GSDME: variants seen among roughly 807,000 people sequenced by gnomAD.
GSDME encodes the protein gasdermin E.
Under a neutral mutation model 47.5 loss-of-function variants are expected in GSDME, and 44 were observed. The ratio of observed to expected loss-of-function variants is 0.93; its 90% confidence interval spans 0.73 to 1.19. The LOEUF is 1.19. Ranked by LOEUF, GSDME falls within the 50% of genes most tolerant of loss-of-function variation. The pLI is 0.00. For synonymous variants in GSDME, 258 were observed against 252.8 expected (o/e 1.02, Z -0.20); for missense variants, 663 against 604.2 (o/e 1.10, Z -1.02).
chr7:24,715,566 TA>T (rs1789520205), intron 5 of GSDME: 2 of 460,184 alleles, frequency 4.3e-6, no homozygotes, highest in South Asian at 3.2e-5. Flanking sequence ...AAGGCAGACA[TA>T]GGGGGGCTAG....
intron 9 of GSDME, among the ~76,000 whole-genome samples, chr7:24,699,764 T>TG (rs1273215736): frequency 6.6e-6 from 1 of 152,212 alleles, no homozygotes; most frequent in Non-Finnish European, 1.5e-5. Flanking sequence ...GTCCTCTGTC[T>TG]GAATCCCTAC....
At chr7:24,700,958 G>A (rs2128045303) in intron 9 of GSDME, among the ~76,000 whole-genome samples, 1 of 152,296 alleles carries the variant, frequency 6.6e-6, no homozygotes, top group Non-Finnish European at 1.5e-5. Flanking sequence ...GGGGGAAACG[G>A]TGACCCAGAG....
rs758488919 is a variant in GSDME, at chr7:24,749,655, CT to C, written c.119del (p.Lys40ArgfsTer24). ...GTCTCTGCCAGCACCAGAATCTCTT[CT>C]TTTTTGTCACCAGACTTAGAAGCTG... is the stretch of plus-strand genomic sequence containing the variant. ...KLQLLSLVTK[K>X]KRFWCWQRPK... On this transcript the variant is annotated frameshift_variant, in exon 2 of 10. Coordinates refer to ENST00000645220, the MANE Select transcript of GSDME (RefSeq NM_001127453.2). LOFTEE classifies it high-confidence loss of function. The C allele has an allele frequency of 1.9e-5, 30 of 1,613,944 alleles. No individual in the cohort carries two copies. Among genetic ancestry groups the C allele is most frequent in the Non-Finnish European group, 2.5e-5 (30 of 1,179,960 alleles).
the GSDME span, among the ~76,000 whole-genome samples, chr7:24,769,732 A>T: frequency 6.6e-6 from 1 of 152,218 alleles, no homozygotes; most frequent in African/African-American, 2.4e-5. Flanking sequence ...ATTGCGAGGC[A>T]TGCTGAAAAG....
At chr7:24,707,966 A>G in intron 7 of GSDME, 161 bp downstream of exon 7, 1 of 801,574 alleles carries the variant, frequency 1.2e-6, no homozygotes, top group Non-Finnish European at 1.9e-6. Flanking sequence ...GATGCCAGCT[A>G]CCTGTCTGCA....
rs1373355811 is a variant in GSDME at position 24,725,469 on chromosome 7, A to T, written c.405-6251T>A. On this transcript the variant is annotated intron_variant, in intron 3 of 9. Transcript: ENST00000645220. This position sits in a 1 kb window ranked among gnomAD's most constrained non-coding sequence, Gnocchi z 5.1. ...AACTCCTCAGATACCAAGTTAAACA[A>T]GGAAGGGGTTTATTCGGCCGGGAGC... Among the ~76,000 whole-genome samples, 1 of 152,138 alleles carries T rather than the reference A, an allele frequency of 6.6e-6. No homozygotes were observed. Among genetic ancestry groups the T allele is most frequent in the Non-Finnish European group, 1.5e-5 (1 of 68,030 alleles).
chr7:24,743,022 G>C (rs987333733), intron 3 of GSDME, among the ~76,000 whole-genome samples: 1 of 152,180 alleles, frequency 6.6e-6, no homozygotes, highest in African/African-American at 2.4e-5. Context: ...ACCCCTGGTG[G>C]AGTCACAGCT....
chr7:24,770,352 T>C, the GSDME span, among the ~76,000 whole-genome samples: 1 of 152,238 alleles, frequency 6.6e-6, no homozygotes, highest in African/African-American at 2.4e-5. This position sits in a 1 kb window ranked among gnomAD's most constrained non-coding sequence, Gnocchi z 4.6. Flanking sequence ...TGTTTGACTG[T>C]TGCTGAGTTG....
the GSDME span, among the ~76,000 whole-genome samples, chr7:24,795,506 T>C: frequency 3.9e-5 from 6 of 151,946 alleles, no homozygotes; most frequent in Non-Finnish European, 8.8e-5. Flanking sequence ...CGTGAGAGGG[T>C]TGTGACCCAT....
intron 9 of GSDME, among the ~76,000 whole-genome samples, chr7:24,700,293 T>C (rs1473702655): frequency 6.6e-6 from 1 of 152,196 alleles, no homozygotes; most frequent in African/African-American, 2.4e-5. Flanking sequence ...CTAATTCCAC[T>C]GCTCAACACA....
the GSDME span, among the ~76,000 whole-genome samples, chr7:24,791,588 G>C: frequency 6.6e-6 from 1 of 152,222 alleles, no homozygotes; most frequent in Non-Finnish European, 1.5e-5. The surrounding 1 kb of genome is among the most constrained non-coding windows in gnomAD (Gnocchi z 4.8). Context: ...GCAGCTCCTA[G>C]CAGTTGTGGC....
At chr7:24,703,992 C>T (rs572787000) in intron 8 of GSDME, 1 of 152,296 alleles carries the variant, frequency 6.6e-6, no homozygotes, top group African/African-American at 2.4e-5. Flanking sequence ...ATCCTCATCT[C>T]TTATTCTTGG....
chr7:24,704,565 T>A (rs1789015022), intron 8 of GSDME: 1 of 152,138 alleles, frequency 6.6e-6, no homozygotes, highest in Non-Finnish European at 1.5e-5. Context: ...GAGATCACAG[T>A]TCAGAAAAAT....
At position 24,699,205 on chromosome 7, in the gene GSDME, G is replaced by T. The variant is rs778861551; in HGVS notation, c.1312C>A (p.Pro438Thr). 2 of 1,614,068 alleles carry T rather than the reference G, an allele frequency of 1.2e-6. No homozygotes were observed. The highest frequency in any genetic ancestry group is 2.2e-5 in the East Asian group (1 of 44,894). The change falls in exon 10 of 10, where the codon CCC becomes ACC. Residue 438 changes from proline to threonine, a missense_variant. Pro to Thr is a conservative substitution (Grantham distance 38). Coordinates refer to ENST00000645220, the MANE Select transcript of GSDME (RefSeq NM_001127453.2). ...VSDLEDPTLT[P>T]LKDTERFGIV... ...CCAAACCTTTCTGTATCTTTCAGGG[G>T]AGTCAAGGTTGGGTCTTCAAGATCA...
At position 24,732,734 on chromosome 7, in the gene GSDME, A is replaced by G. The variant is rs1430833254; in HGVS notation, c.404+11828T>C. On this transcript the variant is annotated intron_variant, in intron 3 of 9. Transcript: ENST00000645220. This position sits in a 1 kb window ranked among gnomAD's most constrained non-coding sequence, Gnocchi z 4.8. ...GGGAGCATGTAGACCAGCCCTAGCC[A>G]GAGGAGAATCACCCATCCCAGTGGT... Among the ~76,000 whole-genome samples the G allele has an allele frequency of 6.6e-6, 1 of 152,224 alleles. No homozygotes were observed. The highest frequency in any genetic ancestry group is 1.5e-5 in the Non-Finnish European group (1 of 68,034).
chr7:24,792,088 G>A, the GSDME span, among the ~76,000 whole-genome samples: 5,296 of 152,268 alleles, frequency 0.035, 324 homozygotes, highest in African/African-American at 0.12. Context: ...CTGGGCCTCT[G>A]GCCTGCCATG....
chr7:24,794,278 T>TTCCTCTCTCTC, the GSDME span, among the ~76,000 whole-genome samples: 1 of 127,042 alleles, frequency 7.9e-6, no homozygotes, highest in African/African-American at 3.1e-5. Context: ...CTCTCTCTCT[T>TTCCTCTCTCTC]TCCTCTCTCT....
At chr7:24,768,230 T>C in the GSDME span, among the ~76,000 whole-genome samples, 1 of 152,152 alleles carries the variant, frequency 6.6e-6, no homozygotes, top group Non-Finnish European at 1.5e-5. This position sits in a 1 kb window ranked among gnomAD's most constrained non-coding sequence, Gnocchi z 5.6. Context: ...AAAACTCTGG[T>C]GTGCAGGGGA....
chr7:24,780,601 T>C, the GSDME span, among the ~76,000 whole-genome samples: 3 of 152,218 alleles, frequency 2.0e-5, no homozygotes, highest in Admixed American at 6.5e-5. The surrounding 1 kb of genome is among the most constrained non-coding windows in gnomAD (Gnocchi z 4.1). Context: ...TCAGAGCAAC[T>C]TGAATGTCAT....
Sources: allele counts gnomAD v4.1 joint callset (sites outside exome capture counted in the v4.1 genomes callset), GRCh38; gene constraint gnomAD v4.1.1; non-coding constraint Gnocchi (gnomAD v3.1); transcripts MANE v1.5; gene names NCBI Gene and HGNC (gene_info 2026-07-23, HGNC 2026-07-21).